The following ADAMTS17 variants were observed in gnomAD, a reference collection of about 807,000 sequenced individuals.
The protein encoded by ADAMTS17 is A disintegrin and metalloproteinase with thrombospondin motifs 17.
In ADAMTS17, 113 loss-of-function variants were observed where a neutral mutation model predicts 141.5. The observed-to-expected ratio is 0.80, with a 90% CI of 0.69 to 0.93. ADAMTS17 has a LOEUF of 0.93. Among genes scored for constraint, ADAMTS17 ranks in the 40% least tolerant of loss-of-function variants. The probability of loss-of-function intolerance (pLI) is 0.00; values close to 1 mark genes in which losing one functional copy is unlikely to be tolerated. For missense variants in ADAMTS17, 1,659 were observed against 1,517.9 expected (o/e 1.09, Z -1.54); for synonymous variants, 768 against 630.6 (o/e 1.22, Z -3.27).
intron 11 of ADAMTS17, among the ~76,000 whole-genome samples, chr15:100,132,634 T>C (rs565071217): frequency 2.0e-5 from 3 of 152,228 alleles, no homozygotes; most frequent in African/African-American, 4.8e-5. Flanking sequence ...TTTCTCAAAG[T>C]GCACAGCACA....
chr15:100,080,967 A>C (rs990780450), intron 15 of ADAMTS17, among the ~76,000 whole-genome samples: 11 of 152,146 alleles, frequency 7.2e-5, no homozygotes, highest in African/African-American at 1.9e-4. Flanking sequence ...CTTGGGGTGG[A>C]CTTGTGATGG....
chr15:99,997,749 G>A lies in ADAMTS17; in HGVS notation c.2592-160C>T, dbSNP rs949857831. Among the ~76,000 whole-genome samples the A allele has an allele frequency of 6.6e-6, 1 of 152,216 alleles. No homozygotes were observed. The highest frequency in any genetic ancestry group is 1.9e-4 in the East Asian group (1 of 5,194). ...AACCCTGGACATAACTCAGAGTATCGGCACAGAGGGAGTGACTTGAGTGGT... is the reference window on the plus strand; with the variant it reads ...AACCCTGGACATAACTCAGAGTATCAGCACAGAGGGAGTGACTTGAGTGGT... On this transcript the variant is annotated intron_variant, in intron 18 of 21. Transcript: ENST00000268070. This position sits in a 1 kb window ranked among gnomAD's most constrained non-coding sequence, Gnocchi z 4.7.
chr15:100,122,979 G>C (rs3919891), intron 12 of ADAMTS17, among the ~76,000 whole-genome samples: 55,724 of 152,138 alleles, frequency 0.37, 11,250 homozygotes, highest in South Asian at 0.48. Context: ...GCGGCATAGA[G>C]AAGACAGAAG....
At chr15:100,268,536 G>T (rs2043798218) in intron 4 of ADAMTS17, among the ~76,000 whole-genome samples, 1 of 152,208 alleles carries the variant, frequency 6.6e-6, no homozygotes, top group African/African-American at 2.4e-5. Flanking sequence ...GCGTTGCTCT[G>T]ATGATTGCTG....
At chr15:100,205,159 T>C (rs2041486742) in intron 7 of ADAMTS17, among the ~76,000 whole-genome samples, 1 of 152,130 alleles carries the variant, frequency 6.6e-6, no homozygotes, top group South Asian at 2.1e-4. Context: ...GATCCTGGAC[T>C]TCAGGAGGAG....
intron 8 of ADAMTS17, among the ~76,000 whole-genome samples, chr15:100,189,722 T>TAGC (rs1465073644): frequency 3.3e-5 from 5 of 152,240 alleles, no homozygotes; most frequent in African/African-American, 9.6e-5. Context: ...CTGGATCTGC[T>TAGC]ATGTCCTTGG....
intron 3 of ADAMTS17, among the ~76,000 whole-genome samples, chr15:100,281,890 T>C (rs2044297448): frequency 1.3e-5 from 2 of 152,144 alleles, no homozygotes; most frequent in Non-Finnish European, 2.9e-5. Context: ...GCCATAAATG[T>C]TGGTAGACAT....
intron 18 of ADAMTS17, among the ~76,000 whole-genome samples, chr15:100,017,990 A>G (rs765827942): frequency 9.2e-5 from 14 of 152,204 alleles, no homozygotes; most frequent in Non-Finnish European, 1.5e-4. Flanking sequence ...AAATTATTGT[A>G]TAGACACCAA....
At chr15:100,228,951 G>C (rs542929453) in intron 7 of ADAMTS17, among the ~76,000 whole-genome samples, 10 of 152,240 alleles carry the variant, frequency 6.6e-5, no homozygotes, top group Non-Finnish European at 1.0e-4. Flanking sequence ...TTGCAGAAGA[G>C]AAGTTGGATA....
intron 11 of ADAMTS17, among the ~76,000 whole-genome samples, chr15:100,132,481 G>T (rs181874319): frequency 3.3e-5 from 5 of 152,214 alleles, no homozygotes; most frequent in Admixed American, 2.0e-4. Context: ...ACGTGAGTGC[G>T]TTTCTCGCTG....
Position 100,131,366 on chromosome 15 carries a change from GA to G in ADAMTS17, c.1721+640del, listed in dbSNP as rs11398544. Among the ~76,000 whole-genome samples the G allele has an allele frequency of 8.6e-4, 110 of 127,784 alleles. 2 individuals are homozygous for G. Among genetic ancestry groups the G allele is most frequent in the Middle Eastern group, 3.8e-3 (1 of 264 alleles). The allele number at this position is 127,784 out of a possible 152,430, so 83.8% of individuals were successfully genotyped here. On this transcript the variant is annotated intron_variant, in intron 12 of 21. Coordinates refer to ENST00000268070, the MANE Select transcript of ADAMTS17 (RefSeq NM_139057.4). ...ACATGTACCCCAGAACTTAAAGTAT[GA>G]AAAAAAAAAAAAAAAGAAATGGGAA...
chr15:100,074,525 T>A (rs2141757785), intron 15 of ADAMTS17, among the ~76,000 whole-genome samples: 1 of 152,132 alleles, frequency 6.6e-6, no homozygotes, highest in South Asian at 2.1e-4. Flanking sequence ...AACAGTATAA[T>A]TATATTAATA....
intron 18 of ADAMTS17, among the ~76,000 whole-genome samples, chr15:100,002,474 C>A (rs1266991655): frequency 1.3e-5 from 2 of 152,008 alleles, no homozygotes; most frequent in Non-Finnish European, 2.9e-5. Flanking sequence ...CTGGTTGACA[C>A]AGAGGCCACA....
intron 8 of ADAMTS17, among the ~76,000 whole-genome samples, chr15:100,158,887 C>T (rs1001776757): frequency 3.3e-5 from 5 of 152,286 alleles, no homozygotes; most frequent in African/African-American, 1.2e-4. Context: ...CGTCACTAAT[C>T]ATCAGAGAAA....
intron 7 of ADAMTS17, among the ~76,000 whole-genome samples, chr15:100,224,713 C>T (rs2042243267): frequency 6.6e-6 from 1 of 152,244 alleles, no homozygotes; most frequent in African/African-American, 2.4e-5. Context: ...TACAGAGACA[C>T]AGAACACTCT....
At chr15:100,135,195 G>A (rs1315556339) in intron 10 of ADAMTS17, among the ~76,000 whole-genome samples, 2 of 152,114 alleles carry the variant, frequency 1.3e-5, no homozygotes, top group Non-Finnish European at 2.9e-5. Flanking sequence ...AAAGAAGAAT[G>A]AGGTTAGACA....
At chr15:100,001,994 C>T (rs1312687793) in intron 18 of ADAMTS17, among the ~76,000 whole-genome samples, 1 of 58,382 alleles carries the variant, frequency 1.7e-5, no homozygotes, top group Non-Finnish European at 3.1e-5. Flanking sequence ...AGGCCAAACC[C>T]AAAAAAAAAA....
intron 3 of ADAMTS17, among the ~76,000 whole-genome samples, chr15:100,324,533 G>A (rs924197253): frequency 6.6e-6 from 1 of 152,164 alleles, no homozygotes; most frequent in Non-Finnish European, 1.5e-5. Context: ...ACTATGTCAT[G>A]TTCGCCATAG....
chr15:100,202,027 T>C (rs1056020114), intron 7 of ADAMTS17, among the ~76,000 whole-genome samples: 20 of 152,172 alleles, frequency 1.3e-4, no homozygotes, highest in African/African-American at 4.8e-4. Context: ...CAATCAGATC[T>C]GCACGCCCTG....
Sources: allele counts gnomAD v4.1 joint callset (sites outside exome capture counted in the v4.1 genomes callset), GRCh38; gene constraint gnomAD v4.1.1; non-coding constraint Gnocchi (gnomAD v3.1); transcripts MANE v1.5; gene names NCBI Gene and HGNC (gene_info 2026-07-23, HGNC 2026-07-21).